BAIAP3: variants seen among roughly 807,000 people sequenced by gnomAD.
BAIAP3 encodes BAI1-associated protein 3.
Under a neutral mutation model 149.7 loss-of-function variants are expected in BAIAP3, and 180 were observed. The ratio of observed to expected loss-of-function variants is 1.20; its 90% confidence interval spans 1.07 to 1.36. The LOEUF (loss-of-function observed/expected upper bound fraction) is 1.36. BAIAP3 is among the 40% of genes most tolerant of loss of function. The pLI, the probability that BAIAP3 is intolerant of heterozygous loss-of-function variation, is 0.00. For synonymous variants in BAIAP3, 845 were observed against 670.7 expected (o/e 1.26, Z -4.02); for missense variants, 1,767 against 1,563.4 (o/e 1.13, Z -2.20).
chr16:1,344,375 C>T (rs1399772066), intron 17 of BAIAP3, 58 bp downstream of exon 17: 3 of 1,610,290 alleles, frequency 1.9e-6, no homozygotes, highest in East Asian at 4.5e-5. Context: ...CCTTCCCTGC[C>T]TTCCCGTCCC....
At chr16:1,344,871 G>C (rs147999458) in intron 20 of BAIAP3, 22 bp downstream of exon 20, 1 of 1,613,632 alleles carries the variant, frequency 6.2e-7, no homozygotes, top group East Asian at 2.2e-5. Context: ...CCCTGACCCC[G>C]GGTGCCTGCC....
intron 1 of BAIAP3, among the ~76,000 whole-genome samples, chr16:1,334,041 C>G (rs1314554704): frequency 3.3e-5 from 5 of 151,636 alleles, no homozygotes; most frequent in Non-Finnish European, 7.4e-5. Flanking sequence ...GGGAGGGTAT[C>G]CGGGCGCTGG....
At position 1,338,673 on chromosome 16, in the gene BAIAP3, G is replaced by A. The variant is rs1398503137; in HGVS notation, c.124G>A (p.Gly42Arg). 1.9e-6 allele frequency: 3 copies of A among 1,580,686 alleles called. No homozygotes were observed. Among genetic ancestry groups the A allele is most frequent in the Non-Finnish European group, 2.6e-6 (3 of 1,165,310 alleles). The change falls in exon 2 of 34, where the codon GGG becomes AGG. Residue 42 changes from glycine to arginine, a missense_variant. Transcript: ENST00000426824. ...ASADPQEPAT[G>R]AWKPGDGVEF... ...CGCCGACCCGCAGGAGCCTGCCACG[G>A]GGGCCTGGTGGGTGCCGAGGGGCCC... is the stretch of plus-strand genomic sequence containing the variant.
At position 1,346,423 on chromosome 16, in the gene BAIAP3, G is replaced by A; in HGVS notation, c.2494-19G>A. 1 of 1,612,302 alleles carries A rather than the reference G, an allele frequency of 6.2e-7. No homozygotes were observed. Among genetic ancestry groups the A allele is most frequent in the Non-Finnish European group, 8.5e-7 (1 of 1,179,668 alleles). On this transcript the variant is annotated intron_variant, in intron 25 of 33. Transcript: ENST00000426824. Reference sequence around the variant, plus strand: ...CCCTGGTGCCCCCTGCCCGTGCTGAGCACTGCTCCTGCCCTCAGATGGTGG... The same window carrying A: ...CCCTGGTGCCCCCTGCCCGTGCTGAACACTGCTCCTGCCCTCAGATGGTGG...
chr16:1,345,088 C>T lies in BAIAP3; in HGVS notation c.1929C>T (p.Ser643=), dbSNP rs772292316. 6.2e-7 allele frequency: 1 copy of T among 1,612,526 alleles called. No individual in the cohort carries two copies. Among genetic ancestry groups the T allele is most frequent in the South Asian group, 1.1e-5 (1 of 91,048 alleles). ...TLADLQRFWD[S]IPGRDSRSLA... ...CTGACCTCCAGCGCTTCTGGGATAGCATCCCTGGCCGGTGGGTGCCCCGTC... is the reference window on the plus strand; with the variant it reads ...CTGACCTCCAGCGCTTCTGGGATAGTATCCCTGGCCGGTGGGTGCCCCGTC... Residue 643 remains serine (S), a synonymous_variant, in exon 21 of 34, where the codon AGC becomes AGT. Coordinates refer to ENST00000426824, the MANE Select transcript of BAIAP3 (RefSeq NM_001199097.2).
At chr16:1,337,153 G>C (rs565730353) in intron 1 of BAIAP3, among the ~76,000 whole-genome samples, 1 of 152,158 alleles carries the variant, frequency 6.6e-6, no homozygotes, top group Non-Finnish European at 1.5e-5. Flanking sequence ...AGGAGGCTAC[G>C]GTGTCTTAGC....
intron 1 of BAIAP3, chr16:1,336,362 G>T (rs1398708314): frequency 2.0e-6 from 2 of 985,302 alleles, no homozygotes; most frequent in African/African-American, 3.5e-5. Flanking sequence ...TTTTGGGGGG[G>T]AGGCTCACAG....
At position 1,344,472 on chromosome 16, in the gene BAIAP3, G is replaced by C. The variant is rs372851721; in HGVS notation, c.1606G>C (p.Gly536Arg). 1 of 1,613,506 alleles carries C rather than the reference G, an allele frequency of 6.2e-7. No individual in the cohort carries two copies. Among genetic ancestry groups the C allele is most frequent in the Admixed American group, 1.7e-5 (1 of 60,008 alleles). Reference sequence around the variant, plus strand: ...GTCTTGGTGGTGTCTGTTGCAGAGAGGCAACCGTGAGTGGTACGACAGGAT... The same window carrying C: ...GTCTTGGTGGTGTCTGTTGCAGAGACGCAACCGTGAGTGGTACGACAGGAT... ...NMDIAAALKR[G>R]NREWYDRILN... is the part of the protein sequence containing the mutation. Residue 536 changes from glycine (G) to arginine (R), a missense_variant, in exon 18 of 34, where the codon GGC (glycine) becomes CGC (arginine). Physicochemically the swap from Gly to Arg is moderately radical, Grantham distance 125 (BLOSUM62 -2). Transcript: ENST00000426824.
Position 1,348,415 on chromosome 16 carries a change from G to T in BAIAP3, c.3392G>T (p.Ser1131Ile). The T allele has an allele frequency of 6.2e-7, 1 of 1,612,762 alleles. No individual in the cohort carries two copies. The highest frequency in any genetic ancestry group is 8.5e-7 in the Non-Finnish European group (1 of 1,179,846). Residue 1131 changes from serine (S) to isoleucine (I), a missense_variant, in exon 34 of 34, where the codon AGC (serine) becomes ATC (isoleucine). Transcript: ENST00000426824. ...SALRRLEGRT[S>I]KEAQEFVKKL... is the part of the protein sequence containing the mutation. The stretch of plus-strand genomic sequence containing the variant: ...CTGAGGAGGCTGGAAGGCCGCACCA[G>T]CAAGGAGGCGCAGGAGTTCGTGAAG...
At chr16:1,345,560 AC>A (rs1367526928) in intron 22 of BAIAP3, 186 bp from the exon 23 acceptor site, 13 of 475,580 alleles carry the variant, frequency 2.7e-5, no homozygotes, top group Non-Finnish European at 3.8e-5. Flanking sequence ...CTCCCCAGCA[AC>A]CCCAGCCTCC....
At chr16:1,343,759 T>A (rs1178758593) in intron 15 of BAIAP3, among the ~76,000 whole-genome samples, 1 of 152,148 alleles carries the variant, frequency 6.6e-6, no homozygotes, top group Non-Finnish European at 1.5e-5. Context: ...GTGGCGCCCA[T>A]CTGAGCGACA....
At chr16:1,338,779 A>T (rs1412331159) in intron 2 of BAIAP3, 99 bp downstream of exon 2, 1 of 1,575,710 alleles carries the variant, frequency 6.3e-7, no homozygotes, top group East Asian at 2.3e-5. Context: ...GGCGGGAAGG[A>T]GGGTCTGCAG....
At chr16:1,340,143 T>C (rs1281631502) in intron 5 of BAIAP3, among the ~76,000 whole-genome samples, 3 of 129,904 alleles carry the variant, frequency 2.3e-5, no homozygotes, top group African/African-American at 9.3e-5. Flanking sequence ...GCACACAGGC[T>C]GCAGGTGCAC....
chr16:1,336,761 C>A (rs1341395343), intron 1 of BAIAP3, among the ~76,000 whole-genome samples: 1 of 152,194 alleles, frequency 6.6e-6, no homozygotes, highest in East Asian at 1.9e-4. Context: ...TCCGTGAGAG[C>A]CTGAGTGGGC....
In BAIAP3 at chr16:1,338,923, G is replaced by C; in HGVS notation, c.153G>C (p.Glu51Asp). The change falls in exon 3 of 34, where the codon GAG becomes GAC. Residue 51 changes from glutamate (E) to aspartate (D), a missense_variant. Glu to Asp is a conservative substitution (Grantham distance 45). Coordinates refer to ENST00000426824, the MANE Select transcript of BAIAP3 (RefSeq NM_001199097.2). ...CCAGGAAACCCGGGGATGGCGTGGAGTTCTTTGCCCACATGCGCCTCATGC... is the reference window on the plus strand; with the variant it reads ...CCAGGAAACCCGGGGATGGCGTGGACTTCTTTGCCCACATGCGCCTCATGC... The part of the protein sequence containing the change: ...TGAWKPGDGV[E>D]FFAHMRLMLK... The C allele has an allele frequency of 6.2e-7, 1 of 1,613,148 alleles. No homozygotes were observed.
chr16:1,339,828 GCAGGTGCA>G (rs2141576140), intron 5 of BAIAP3, among the ~76,000 whole-genome samples: 4 of 139,062 alleles, frequency 2.9e-5, no homozygotes, highest in Admixed American at 1.5e-4. Context: ...CACACAGGCT[GCAGGTGCA>G]CACAGACACA....
In BAIAP3 at chr16:1,342,762, C is replaced by T. The variant is rs377688751; in HGVS notation, c.1109C>T (p.Ser370Phe). 1.9e-6 allele frequency: 3 copies of T among 1,612,470 alleles called. No individual in the cohort carries two copies. In the African/African-American group the frequency reaches 4.0e-5, roughly 22 times the overall value. ...MSQRGRSGFL[S>F]HLLLLSHLLR... ...CAGCGCGGGCGATCCGGCTTCCTGT[C>T]CCACCTGCTGCTGCTCAGCCATCTG... The change falls in exon 13 of 34, where the codon TCC becomes TTC. Residue 370 changes from serine to phenylalanine, a missense_variant. Physicochemically the swap from Ser to Phe is radical, Grantham distance 155 (BLOSUM62 -2). Transcript: ENST00000426824.
At position 1,346,014 on chromosome 16, in the gene BAIAP3, C is replaced by A; in HGVS notation, c.2237C>A (p.Thr746Lys). ...GTGTGTGAGGCCACCCTCTTCTATA[C>A]GGAGCTGCTTCGGAAGAAGGTGGAC... ...QDVCEATLFY[T>K]ELLRKKVDTQ... The change falls in exon 24 of 34, where the codon ACG becomes AAG. Residue 746 changes from threonine (T) to lysine (K), a missense_variant. Physicochemically the swap from Thr to Lys is moderately conservative, Grantham distance 78 (BLOSUM62 -1). Coordinates refer to ENST00000426824, the MANE Select transcript of BAIAP3 (RefSeq NM_001199097.2). The A allele has an allele frequency of 2.5e-6, 4 of 1,610,964 alleles. No homozygotes were observed. Among genetic ancestry groups the A allele is most frequent in the Non-Finnish European group, 3.4e-6 (4 of 1,179,230 alleles).
chr16:1,340,826 G>T, intron 5 of BAIAP3, 96 bp from the exon 6 acceptor site: 3 of 1,308,464 alleles, frequency 2.3e-6, no homozygotes, highest in Non-Finnish European at 3.2e-6. Context: ...GACTGAGGTT[G>T]GGTGTCTGTG....
Sources: gnomAD v4.1 joint callset for allele counts (sites outside exome capture counted in the v4.1 genomes callset) on GRCh38, gnomAD v4.1.1 for gene constraint, MANE v1.5 for transcripts, NCBI Gene and HGNC (gene_info 2026-07-23, HGNC 2026-07-21) for gene names.